HGD: variants seen among roughly 807,000 people sequenced by gnomAD.
HGD encodes homogentisate 1,2-dioxygenase.
Under a neutral mutation model 60.8 loss-of-function variants are expected in HGD, and 61 were observed. The ratio of observed to expected loss-of-function variants is 1.00; its 90% confidence interval spans 0.82 to 1.24. HGD has a LOEUF of 1.24. Ranked by LOEUF, HGD falls within the 50% of genes most tolerant of loss-of-function variation. The probability of loss-of-function intolerance (pLI) is 0.00; values close to 1 mark genes in which losing one functional copy is unlikely to be tolerated. For synonymous variants in HGD, 212 were observed against 187.7 expected (o/e 1.13, Z -1.06); for missense variants, 542 against 547.1 (o/e 0.99, Z 0.09).
At chr3:120,633,485 C>A in intron 12 of HGD, 157 bp from the exon 13 acceptor site, 1 of 1,533,792 alleles carries the variant, frequency 6.5e-7, no homozygotes, top group South Asian at 1.2e-5. Context: ...GAAGAACAAT[C>A]ATAAAACATT....
chr3:120,667,326 C>CAAAAAAAAAAAA (rs71133514), intron 4 of HGD, among the ~76,000 whole-genome samples: 2 of 60,042 alleles, frequency 3.3e-5, no homozygotes, highest in African/African-American at 1.4e-4. Context: ...ACTCTTGTCT[C>CAAAAAAAAAAAA]AAAAAAAAAA....
rs1272944300 is a variant in HGD, at chr3:120,681,966, A to AGCCTCTGAACACAGGGGTTTGAACCAGG, written c.15+103_15+130dup. 1.2e-5 allele frequency: 10 copies of AGCCTCTGAACACAGGGGTTTGAACCAGG among 823,546 alleles called. No homozygotes were observed. In the East Asian group the frequency reaches 2.4e-4, roughly 20 times the overall value. The allele number at this position is 823,546 out of a possible 1,614,324, so 51.0% of individuals were successfully genotyped here. A position where few individuals can be genotyped will look rare whatever the true frequency, so the allele number is the denominator to read the frequency against. On this transcript the variant is annotated intron_variant, in intron 1 of 13. Transcript: ENST00000283871. Reference sequence around the variant, plus strand: ...GCTGTGCCCACAGACACCACAGGGAAGCCTCTGAACACAGGGGTTTGAACC... The same window carrying AGCCTCTGAACACAGGGGTTTGAACCAGG: ...GCTGTGCCCACAGACACCACAGGGAAGCCTCTGAACACAGGGGTTTGAACCAGGGCCTCTGAACACAGGGGTTTGAACC...
rs774434862 is a variant in HGD, at chr3:120,675,009, A to T, written c.88-20T>A. ...ATTATTCTGAAACAAAGGATGCAAT[A>T]AACAATATTACTCCCATCCGAAAAG... is the stretch of plus-strand genomic sequence containing the variant. On this transcript the variant is annotated intron_variant, in intron 2 of 13. Transcript: ENST00000283871. 16 of 1,531,100 alleles carry T rather than the reference A, an allele frequency of 1.0e-5. No homozygotes were observed. The highest frequency in any genetic ancestry group is 1.4e-5 in the Non-Finnish European group (16 of 1,105,112). The allele number at this position is 1,531,100 out of a possible 1,614,324, so 94.8% of individuals were successfully genotyped here.
intron 4 of HGD, among the ~76,000 whole-genome samples, chr3:120,662,607 C>A (rs1707798273): frequency 6.6e-6 from 1 of 152,162 alleles, no homozygotes; most frequent in South Asian, 2.1e-4. Flanking sequence ...GACTTGGCAC[C>A]TGATTCAGTG....
chr3:120,674,655 T>A, intron 3 of HGD: 1 of 443,826 alleles, frequency 2.3e-6, no homozygotes, highest in South Asian at 2.1e-5. Context: ...AGGAGGTAAT[T>A]TGTAAATGGA....
rs545754612 is a variant in HGD at position 120,665,653 on chromosome 3, G to A, written c.282+4774C>T. On this transcript the variant is annotated intron_variant, in intron 4 of 13. Coordinates refer to ENST00000283871, the MANE Select transcript of HGD (RefSeq NM_000187.4). ...TAAATATACACTAAAGAAAATGAAG[G>A]CTTTAGGGGGAGCAGCCCCCAGTCT... Among the ~76,000 whole-genome samples, 3 of 152,324 alleles carry A rather than the reference G, an allele frequency of 2.0e-5. No individual in the cohort carries two copies. In the South Asian group the frequency reaches 6.2e-4, roughly 32 times the overall value.
At chr3:120,665,085 G>C (rs1260460987) in intron 4 of HGD, among the ~76,000 whole-genome samples, 1 of 152,164 alleles carries the variant, frequency 6.6e-6, no homozygotes, top group Non-Finnish European at 1.5e-5. Context: ...AAGAGAGGCA[G>C]GAAAATCCAA....
intron 4 of HGD, among the ~76,000 whole-genome samples, chr3:120,669,447 GCACACACACACACACA>G (rs59426684): frequency 9.4e-4 from 137 of 145,726 alleles, no homozygotes; most frequent in Admixed American, 1.5e-3. Flanking sequence ...GTGCGCATGT[GCACACACACACACACA>G]CACACACACA....
intron 10 of HGD, 30 bp downstream of exon 10, chr3:120,644,289 C>T (rs1243623023): frequency 6.2e-7 from 1 of 1,613,238 alleles, no homozygotes; most frequent in South Asian, 1.1e-5. Context: ...TCTTCATTTC[C>T]TCCCTTGCCT....
intron 12 of HGD, among the ~76,000 whole-genome samples, chr3:120,637,854 T>TC (rs1307491019): frequency 2.0e-5 from 3 of 152,180 alleles, no homozygotes; most frequent in Non-Finnish European, 4.4e-5. Context: ...AATCAATGCA[T>TC]CACTGTTGAT....
At chr3:120,638,609 G>A (rs191420572) in intron 11 of HGD, 28 bp from the exon 12 acceptor site, 33 of 1,613,084 alleles carry the variant, frequency 2.0e-5, no homozygotes, top group African/African-American at 1.3e-4. Context: ...GAGACTGAAC[G>A]CATGATGCAA....
At chr3:120,633,606 G>T in intron 12 of HGD, 1 of 1,384,110 alleles carries the variant, frequency 7.2e-7, no homozygotes, top group Non-Finnish European at 9.5e-7. Context: ...GAAAATCAGG[G>T]CCCAGAGAAG....
chr3:120,670,180 A>G, intron 4 of HGD: 1 of 527,972 alleles, frequency 1.9e-6, no homozygotes, highest in Non-Finnish European at 3.4e-6. Flanking sequence ...TCAGCCATGC[A>G]GAACTGTGAG....
chr3:120,649,053 C>T (rs907456476), intron 6 of HGD, among the ~76,000 whole-genome samples: 1 of 151,746 alleles, frequency 6.6e-6, no homozygotes, highest in African/African-American at 2.4e-5. Context: ...TTGATTTTTC[C>T]CTCCTAGGAA....
chr3:120,674,611 G>C (rs532518910), intron 3 of HGD: 7 of 362,268 alleles, frequency 1.9e-5, no homozygotes, highest in Non-Finnish European at 3.2e-5. Context: ...TTTAGAAGAA[G>C]ACCAAACTAT....
Position 120,670,514 on chromosome 3 carries a change from T to C in HGD, c.195A>G (p.Leu65=). ...CAAAGGGCTTGTGAGAAACTGAAGG[T>C]AGAATCCTATACAGCCAGCTAGAGG... ...TNKRSWLYRI[L]PSVSHKPFES... Residue 65 remains leucine (L), a synonymous_variant, in exon 4 of 14, where the codon CTA becomes CTG. Coordinates refer to ENST00000283871, the MANE Select transcript of HGD (RefSeq NM_000187.4). 6.3e-7 allele frequency: 1 copy of C among 1,598,562 alleles called. No individual in the cohort carries two copies. The highest frequency in any genetic ancestry group is 8.6e-7 in the Non-Finnish European group (1 of 1,165,962).
chr3:120,647,971 G>T, intron 6 of HGD, 60 bp from the exon 7 acceptor site: 3 of 1,319,474 alleles, frequency 2.3e-6, no homozygotes, highest in Non-Finnish European at 3.3e-6. Context: ...GACAAATTAC[G>T]TCATAACACA....
intron 7 of HGD, among the ~76,000 whole-genome samples, 184 bp from the exon 8 acceptor site, chr3:120,647,236 T>C (rs575558493): frequency 6.8e-4 from 104 of 152,288 alleles, no homozygotes; most frequent in African/African-American, 2.5e-3. Context: ...TAGAAGAATG[T>C]GAATAAAACA....
Position 120,631,404 on chromosome 3 carries a change from C to A in HGD, c.1188+1743G>T, listed in dbSNP as rs542939037. Among the ~76,000 whole-genome samples, 10 of 152,128 alleles carry A rather than the reference C, an allele frequency of 6.6e-5. No individual in the cohort carries two copies. The South Asian group carries it at 1.5e-3, about 22-fold the overall frequency. On this transcript the variant is annotated intron_variant, in intron 13 of 13. Coordinates refer to ENST00000283871, the MANE Select transcript of HGD (RefSeq NM_000187.4). ...GGATAAATGCTTGAGGTAATGGATACCCCATTTATCTTGATGTGATTATTA... is the reference window on the plus strand; with the variant it reads ...GGATAAATGCTTGAGGTAATGGATAACCCATTTATCTTGATGTGATTATTA...
Sources: gnomAD v4.1 joint callset for allele counts (sites outside exome capture counted in the v4.1 genomes callset) on GRCh38, gnomAD v4.1.1 for gene constraint, MANE v1.5 for transcripts, NCBI Gene and HGNC (gene_info 2026-07-23, HGNC 2026-07-21) for gene names.